PATL2: variants seen among roughly 807,000 people sequenced by gnomAD.
The protein encoded by PATL2 is PAT1 homolog 2, also known as protein PAT1 homolog 2.
In PATL2, 73 loss-of-function variants were observed where a neutral mutation model predicts 77.0. The ratio of observed to expected loss-of-function variants is 0.95; its 90% confidence interval spans 0.78 to 1.15. PATL2 has a LOEUF of 1.15. PATL2 is among the 50% of genes most tolerant of loss of function. The pLI is 0.00. For missense variants in PATL2, 618 were observed against 655.4 expected, an observed-to-expected ratio of 0.94 and a Z score of 0.62; for synonymous variants, 265 against 257.1, an observed-to-expected ratio of 1.03 and a Z score of -0.29.
chr15:44,705,062 T>C (rs1355032353), intron 3 of PATL2, among the ~76,000 whole-genome samples: 1 of 152,230 alleles, frequency 6.6e-6, no homozygotes, highest in African/African-American at 2.4e-5. Context: ...TGGTGTTCTA[T>C]AACCTTCATA....
chr15:44,701,375 T>C (rs1442410415), intron 3 of PATL2, among the ~76,000 whole-genome samples: 1 of 151,692 alleles, frequency 6.6e-6, no homozygotes, highest in Admixed American at 6.6e-5. Flanking sequence ...AGGGTTGGTG[T>C]TTTGGGTCTT....
chr15:44,688,517 G>C (rs779800207), intron 3 of PATL2, among the ~76,000 whole-genome samples: 5 of 151,930 alleles, frequency 3.3e-5, no homozygotes, highest in Non-Finnish European at 7.4e-5. Flanking sequence ...CAGATATATC[G>C]ACCAATGGAA....
chr15:44,686,428 T>G (rs966215375), intron 3 of PATL2, among the ~76,000 whole-genome samples: 7 of 152,178 alleles, frequency 4.6e-5, no homozygotes, highest in Admixed American at 1.3e-4. Flanking sequence ...GGGAAAGTTA[T>G]AGAACTAAAT....
intron 3 of PATL2, among the ~76,000 whole-genome samples, chr15:44,680,522 T>A (rs1304285426): frequency 6.6e-6 from 1 of 152,134 alleles, no homozygotes; most frequent in Non-Finnish European, 1.5e-5. Context: ...GCTCTCCTCC[T>A]CTTCAAGTCC....
At chr15:44,684,032 CAG>C (rs201983909) in intron 3 of PATL2, among the ~76,000 whole-genome samples, 22 of 150,296 alleles carry the variant, frequency 1.5e-4, no homozygotes, top group East Asian at 3.9e-4. Flanking sequence ...AACTAACAAA[CAG>C]AAAGGAATAG....
chr15:44,690,721 T>A (rs1218056616), intron 3 of PATL2, among the ~76,000 whole-genome samples: 1 of 152,182 alleles, frequency 6.6e-6, no homozygotes, highest in African/African-American at 2.4e-5. Flanking sequence ...TTTCTGAAGA[T>A]GTTAAGAGTT....
chr15:44,697,141 C>T (rs1398899384), intron 3 of PATL2, among the ~76,000 whole-genome samples: 1 of 151,876 alleles, frequency 6.6e-6, no homozygotes, highest in Non-Finnish European at 1.5e-5. Context: ...TCTCCTCCTC[C>T]TCCCTCTTCC....
At chr15:44,710,619 A>G (rs1174482764) in intron 2 of PATL2, among the ~76,000 whole-genome samples, 1 of 152,186 alleles carries the variant, frequency 6.6e-6, no homozygotes, top group Admixed American at 6.5e-5. Context: ...CATAAAATGA[A>G]TGGGGGTAAT....
intron 4 of PATL2, 200 bp from the exon 5 acceptor site, chr15:44,675,891 T>A (rs1258326643): frequency 1.8e-6 from 1 of 559,322 alleles, no homozygotes; most frequent in East Asian, 3.0e-5. Context: ...GTAAGTCAAA[T>A]GGAACCTGAG....
intron 8 of PATL2, 34 bp downstream of exon 8, chr15:44,672,354 C>T: frequency 6.5e-7 from 1 of 1,546,864 alleles, no homozygotes; most frequent in Non-Finnish European, 8.7e-7. Flanking sequence ...TGCAAATGGG[C>T]TCCCCTCAAC....
intron 3 of PATL2, among the ~76,000 whole-genome samples, chr15:44,681,288 G>T (rs1318386172): frequency 1.3e-5 from 2 of 152,124 alleles, no homozygotes; most frequent in African/African-American, 4.8e-5. Flanking sequence ...CAAAGTGCTG[G>T]GATTACAGAT....
Position 44,669,995 on chromosome 15 carries a change from G to C in PATL2, c.750C>G (p.Tyr250Ter). 6.5e-7 allele frequency: 1 copy of C among 1,549,582 alleles called. No homozygotes were observed. The highest frequency in any genetic ancestry group is 8.7e-7 in the Non-Finnish European group (1 of 1,146,124). The change falls in exon 10 of 18, where the codon TAC (tyrosine) becomes TAG (stop). Residue 250 changes from tyrosine to a stop codon, truncating the protein, a stop_gained. Transcript: ENST00000682850. LOFTEE classifies it high-confidence loss of function. Reference protein sequence around the residue: ...RVESLKLVTPYIPKAEAYESV... With the variant: ...RVESLKLVTP ...ACTCATAAGCCTCTGCCTTCGGAAT[G>C]TAAGGCGTTACCAGCTTGAGGGACT...
intron 3 of PATL2, among the ~76,000 whole-genome samples, chr15:44,705,456 A>G (rs1000507349): frequency 1.3e-5 from 2 of 152,206 alleles, no homozygotes; most frequent in African/African-American, 4.8e-5. Context: ...CTGGGATTAC[A>G]GGAGTGAGCC....
At chr15:44,684,222 G>C (rs1322911184) in intron 3 of PATL2, among the ~76,000 whole-genome samples, 1 of 151,986 alleles carries the variant, frequency 6.6e-6, no homozygotes, top group Non-Finnish European at 1.5e-5. Flanking sequence ...TCCAGCAAGG[G>C]AACAAAAGTG....
chr15:44,677,164 C>G (rs1303706357), intron 3 of PATL2, among the ~76,000 whole-genome samples: 2 of 152,104 alleles, frequency 1.3e-5, no homozygotes, highest in Non-Finnish European at 2.9e-5. Context: ...TTTTCCACAC[C>G]CTTCATTGGT....
At chr15:44,708,327 C>T (rs1250217048) in intron 3 of PATL2, among the ~76,000 whole-genome samples, 7 of 152,196 alleles carry the variant, frequency 4.6e-5, no homozygotes, top group Non-Finnish European at 8.8e-5. Context: ...CCTCCCCTAG[C>T]TATGTCCTTT....
At chr15:44,710,531 C>G (rs1246074899) in intron 2 of PATL2, among the ~76,000 whole-genome samples, 1 of 152,212 alleles carries the variant, frequency 6.6e-6, no homozygotes, top group Non-Finnish European at 1.5e-5. Flanking sequence ...CCTTTGTCTT[C>G]CAGTGTCTAA....
At chr15:44,696,611 G>A (rs1319485840) in intron 3 of PATL2, among the ~76,000 whole-genome samples, 1 of 151,942 alleles carries the variant, frequency 6.6e-6, no homozygotes, top group Non-Finnish European at 1.5e-5. Flanking sequence ...CCCAACTTTT[G>A]TCTTTCCTTT....
In PATL2 at chr15:44,669,272, ACACT is replaced by A; in HGVS notation, c.1064+4_1064+7del. 1 of 1,545,396 alleles carries A rather than the reference ACACT, an allele frequency of 6.5e-7. No homozygotes were observed. Among genetic ancestry groups the A allele is most frequent in the Non-Finnish European group, 8.8e-7 (1 of 1,141,756 alleles). On this transcript the variant is annotated splice_donor_5th_base_variant and intron_variant, in intron 13 of 17. Coordinates refer to ENST00000682850, the MANE Select transcript of PATL2 (RefSeq NM_001387263.1). ...TCCTGGGCTGAGGTGGAACCCTCCCACACTCACTCCAGGTTGTTCTGCTCCTGGG... is the reference window on the plus strand; with the variant it reads ...TCCTGGGCTGAGGTGGAACCCTCCCACACTCCAGGTTGTTCTGCTCCTGGG...
Sources: allele counts gnomAD v4.1 joint callset (sites outside exome capture counted in the v4.1 genomes callset), GRCh38; gene constraint gnomAD v4.1.1; transcripts MANE v1.5; gene names NCBI Gene and HGNC (gene_info 2026-07-23, HGNC 2026-07-21).